CLSPN: variants seen among roughly 807,000 people sequenced by gnomAD.
CLSPN encodes the protein claspin, also known as claspin homolog.
Under a neutral mutation model 156.3 loss-of-function variants are expected in CLSPN, and 85 were observed. That is an observed-to-expected ratio of 0.54 (90% CI 0.46 to 0.65). The LOEUF (loss-of-function observed/expected upper bound fraction) is 0.65, where lower values mean the gene tolerates loss of function less well. Among genes scored for constraint, CLSPN ranks in the 30% least tolerant of loss-of-function variants. The pLI is 0.00. For synonymous variants in CLSPN, 534 were observed against 542.4 expected, an observed-to-expected ratio of 0.98 and a Z score of 0.22; for missense variants, 1,407 against 1,554.9, an observed-to-expected ratio of 0.90 and a Z score of 1.60.
chr1:35,720,776 T>G, exon 25 of CLSPN: 1 of 667,746 alleles, frequency 1.5e-6, no homozygotes, highest in Non-Finnish European at 2.5e-6. Flanking sequence ...CTCTCAGCTT[T>G]GGTGATCTAG....
rs1199893049 is a variant in CLSPN at position 35,751,348 on chromosome 1, C to T, written c.1930G>A (p.Glu644Lys). The T allele has an allele frequency of 6.3e-7, 1 of 1,599,758 alleles. No individual in the cohort carries two copies. Among genetic ancestry groups the T allele is most frequent in the Admixed American group, 1.7e-5 (1 of 59,922 alleles). The change falls in exon 10 of 25, where the codon GAA (glutamate) becomes AAA (lysine). Residue 644 changes from glutamate (E) to lysine (K), a missense_variant. Physicochemically the swap from Glu to Lys is moderately conservative, Grantham distance 56. This residue lies in a region of CLSPN where 1,096 missense variants were observed against 1,193.0 expected (regional missense o/e 0.92). Transcript: ENST00000318121. ...TTCTCTACCTTCTCTTCTCCATCTT[C>T]CTCAGACTCATCTGTCATTTCTTCC... ...EEEEMTDESE[E>K]DGEEKVEKEE...
rs61751002 is a variant in CLSPN, at chr1:35,769,854, C to T, written c.17G>A (p.Gly6Asp). The stretch of plus-strand genomic sequence containing the variant: ...GCGTGTGCATAAACTCACCTCAGAA[C>T]CCACCTCGCCTGTCATGACTTCTGC... MTGEV[G>D]SEVHLEINDP... The change falls in exon 1 of 25, where the codon GGT becomes GAT. Residue 6 changes from glycine (G) to aspartate (D), a missense_variant. Around this residue, in one of 3 missense-constraint regions of CLSPN, gnomAD observed 1,096 missense variants for 1,193.0 expected, o/e 0.92. Coordinates refer to ENST00000318121, the MANE Select transcript of CLSPN (RefSeq NM_022111.4). 68,964 of 1,607,164 alleles carry T rather than the reference C, an allele frequency of 0.043. 1,641 individuals are homozygous for T. Among genetic ancestry groups the T allele is most frequent in the Middle Eastern group, 0.062 (373 of 6,044 alleles).
In CLSPN at chr1:35,735,792, G is replaced by GT. The variant is rs1641449141; in HGVS notation, c.*703_*704insA. ...GGTGTAAAGGAGTCATTATGGTACTGATTTTCACTGTTTAATCTGTAATGT... is the reference window on the plus strand; with the variant it reads ...GGTGTAAAGGAGTCATTATGGTACTGTATTTTCACTGTTTAATCTGTAATGT... On this transcript the variant is annotated 3_prime_UTR_variant, in exon 25 of 25. Transcript: ENST00000318121. 1 of 984,946 alleles carries GT rather than the reference G, an allele frequency of 1.0e-6. No homozygotes were observed. The highest frequency in any genetic ancestry group is 1.2e-6 in the Non-Finnish European group (1 of 829,896). The allele number at this position is 984,946 out of a possible 1,614,324, so 61.0% of individuals were successfully genotyped here.
At chr1:35,752,823 C>T (rs905171503) in intron 9 of CLSPN, among the ~76,000 whole-genome samples, 1 of 152,056 alleles carries the variant, frequency 6.6e-6, no homozygotes, top group Admixed American at 6.5e-5. Context: ...TAGAGCAATG[C>T]CTGACAGGGA....
Position 35,736,483 on chromosome 1 carries a change from ACCTTTGATGGTG to A in CLSPN, c.*1_*12del. ...AAGCAGTCTCAATGTAGATTTTGGC[ACCTTTGATGGTG>A]TTAGCTCTCCAAATATTTGAAGATG... is the stretch of plus-strand genomic sequence containing the variant. On this transcript the variant is annotated 3_prime_UTR_variant, in exon 25 of 25. Coordinates refer to ENST00000318121, the MANE Select transcript of CLSPN (RefSeq NM_022111.4). 6.4e-7 allele frequency: 1 copy of A among 1,568,284 alleles called. No individual in the cohort carries two copies. The highest frequency in any genetic ancestry group is 8.6e-7 in the Non-Finnish European group (1 of 1,160,676).
At chr1:35,728,269 A>G (rs1159388244), downstream of CLSPN, among the ~76,000 whole-genome samples, 2 of 152,000 alleles carry the variant, frequency 1.3e-5, no homozygotes, top group Non-Finnish European at 2.9e-5. Flanking sequence ...TTTTGTAGAG[A>G]TGGGGTTTCG....
chr1:35,756,183 CAA>C (rs935673033), intron 8 of CLSPN, among the ~76,000 whole-genome samples: 3 of 152,068 alleles, frequency 2.0e-5, no homozygotes, highest in Non-Finnish European at 4.4e-5. Flanking sequence ...ACATTGCAAA[CAA>C]AAGAGTAGAG....
At chr1:35,748,096 A>G (rs776424896) in intron 13 of CLSPN, 35 bp from the exon 14 acceptor site, 17 of 1,585,922 alleles carry the variant, frequency 1.1e-5, no homozygotes, top group Admixed American at 5.7e-5. Flanking sequence ...ATAACAAAAC[A>G]TTTTACAAAT....
intron 8 of CLSPN, among the ~76,000 whole-genome samples, chr1:35,756,498 T>C (rs544468300): frequency 1.3e-5 from 2 of 152,322 alleles, no homozygotes; most frequent in South Asian, 4.1e-4. Context: ...CTAAAACCCC[T>C]GTTCAAGTTC....
intron 8 of CLSPN, among the ~76,000 whole-genome samples, chr1:35,756,131 A>G (rs1205105261): frequency 6.6e-6 from 1 of 152,234 alleles, no homozygotes; most frequent in African/African-American, 2.4e-5. Context: ...AAACCCCAAC[A>G]TTATTAGCAG....
intron 18 of CLSPN, among the ~76,000 whole-genome samples, chr1:35,741,908 A>AGGTT (rs1641704909): frequency 8.2e-6 from 1 of 122,696 alleles, no homozygotes; most frequent in Non-Finnish European, 1.6e-5. Flanking sequence ...CGGGAGGCGG[A>AGGTT]GGTTGCAGTG....
At chr1:35,743,966 G>C (rs897850372) in intron 16 of CLSPN, among the ~76,000 whole-genome samples, 25 of 152,000 alleles carry the variant, frequency 1.6e-4, no homozygotes, top group Admixed American at 2.6e-4. Flanking sequence ...TCAATAAACA[G>C]GAAGAAAATT....
intron 23 of CLSPN, 108 bp from the exon 24 acceptor site, chr1:35,737,183 C>G (rs957982860): frequency 3.2e-6 from 4 of 1,267,032 alleles, no homozygotes; most frequent in Admixed American, 2.0e-5. Flanking sequence ...TATGCCTACC[C>G]TATTCAAATA....
chr1:35,736,753 T>G (rs887921701), intron 24 of CLSPN, 147 bp from the exon 25 acceptor site: 16 of 1,371,874 alleles, frequency 1.2e-5, no homozygotes, highest in Non-Finnish European at 1.6e-5. Context: ...AGTTTAAAAG[T>G]TGATTACCGA....
chr1:35,765,929 GAT>G (rs1557526488), intron 1 of CLSPN, among the ~76,000 whole-genome samples: 1 of 151,292 alleles, frequency 6.6e-6, no homozygotes, highest in Non-Finnish European at 1.5e-5. Context: ...TAATACCACA[GAT>G]ATGCAATCTA....
chr1:35,749,661 G>A lies in CLSPN; in HGVS notation c.2179C>T (p.Leu727=). ...KSLSSDSTLL[L]FKDSSSKMGY... is the part of the protein sequence containing the mutation. The stretch of plus-strand genomic sequence containing the variant: ...ATCTTGGAAGAGCTGTCCTTAAACA[G>A]AAGTAAAGTAGAATCTGATGAGAGA... The change falls in exon 11 of 25, where the codon CTG becomes TTG. Residue 727 remains leucine (L), a synonymous_variant. Transcript: ENST00000318121. 1 of 1,614,134 alleles carries A rather than the reference G, an allele frequency of 6.2e-7. No individual in the cohort carries two copies. The highest frequency in any genetic ancestry group is 2.2e-5 in the East Asian group (1 of 44,872).
In CLSPN at chr1:35,764,364, C is replaced by A. The variant is rs775284161; in HGVS notation, c.484G>T (p.Ala162Ser). 3 of 1,610,458 alleles carry A rather than the reference C, an allele frequency of 1.9e-6. No individual in the cohort carries two copies. Among genetic ancestry groups the A allele is most frequent in the South Asian group, 1.1e-5 (1 of 89,364 alleles). The change falls in exon 3 of 25, where the codon GCA (alanine) becomes TCA (serine). Residue 162 changes from alanine (A) to serine (S), a missense_variant. Coordinates refer to ENST00000318121, the MANE Select transcript of CLSPN (RefSeq NM_022111.4). ...KKHIHDKEGT[A>S]GKAKVKSKRR... ...TTTGATTTTACTTTTGCTTTTCCTG[C>A]AGTTCCTTCTTTATCATGTATGTGC...
intron 24 of CLSPN, 85 bp from the exon 25 acceptor site, chr1:35,736,691 T>C (rs751762779): frequency 1.3e-6 from 2 of 1,502,458 alleles, no homozygotes; most frequent in Non-Finnish European, 1.8e-6. Flanking sequence ...AACTCATAAA[T>C]TGTGGATGAT....
At chr1:35,721,045 G>T in intron 24 of CLSPN, 1 of 1,124,336 alleles carries the variant, frequency 8.9e-7, no homozygotes, top group Non-Finnish European at 1.3e-6. Flanking sequence ...TTCTGATAAT[G>T]TTGCAGACCC....
Sources: gnomAD v4.1 joint callset for allele counts (sites outside exome capture counted in the v4.1 genomes callset) on GRCh38, gnomAD v4.1.1 for gene constraint, gnomAD v4.1.1 regional missense constraint, MANE v1.5 for transcripts, NCBI Gene and HGNC (gene_info 2026-07-23, HGNC 2026-07-21) for gene names.